Variants in PRELID2 observed in about 807,000 individuals in gnomAD.
PRELID2 encodes the protein PRELI domain-containing protein 2.
A neutral mutation model predicts 28.4 loss-of-function variants in PRELID2; 25 were observed. The ratio of observed to expected loss-of-function variants is 0.88; its 90% CI spans 0.64 to 1.23. The LOEUF is 1.23. PRELID2 is among the 50% of genes most tolerant of loss of function. The pLI is 0.00. For synonymous variants in PRELID2, 76 were observed against 71.6 expected (o/e 1.06, Z -0.31); for missense variants, 201 against 214.4 (o/e 0.94, Z 0.39).
chr5:145,519,396 A>G (rs948226325), intron 1 of PRELID2, among the ~76,000 whole-genome samples: 5 of 152,210 alleles, frequency 3.3e-5, no homozygotes, highest in African/African-American at 1.2e-4. Context: ...ATTGCTTAAA[A>G]TGGAAATCTG....
At chr5:145,395,283 C>T in the PRELID2 span, among the ~76,000 whole-genome samples, 1 of 152,090 alleles carries the variant, frequency 6.6e-6, no homozygotes, top group East Asian at 1.9e-4. Context: ...AAAAAGGCAT[C>T]CATGAAAACG....
At chr5:145,393,977 T>C in the PRELID2 span, among the ~76,000 whole-genome samples, 1 of 152,182 alleles carries the variant, frequency 6.6e-6, no homozygotes, top group East Asian at 1.9e-4. Flanking sequence ...TTTTACACTG[T>C]TGGTGGGACT....
downstream of PRELID2, among the ~76,000 whole-genome samples, chr5:145,751,347 C>G (rs1413254043): frequency 6.6e-6 from 1 of 152,174 alleles, no homozygotes; most frequent in Non-Finnish European, 1.5e-5. Flanking sequence ...TTGGGGGTGG[C>G]CTCAATCACG....
intron 1 of PRELID2, among the ~76,000 whole-genome samples, chr5:145,646,654 C>T (rs1754201443): frequency 1.3e-5 from 2 of 152,198 alleles, no homozygotes; most frequent in Admixed American, 6.5e-5. Flanking sequence ...GCACTAGTTT[C>T]TCCCCATCTT....
chr5:145,525,949 T>C (rs976670625), intron 1 of PRELID2, among the ~76,000 whole-genome samples: 2 of 152,182 alleles, frequency 1.3e-5, no homozygotes, highest in Non-Finnish European at 2.9e-5. Flanking sequence ...TCTACTTCTT[T>C]CATTCATGTA....
the PRELID2 span, among the ~76,000 whole-genome samples, chr5:145,349,454 G>A: frequency 2.6e-5 from 4 of 151,904 alleles, no homozygotes; most frequent in Non-Finnish European, 5.9e-5. Context: ...TCCTAGTGGA[G>A]GTACACAGAG....
intron 1 of PRELID2, among the ~76,000 whole-genome samples, chr5:145,588,030 A>T (rs2149629035): frequency 6.6e-6 from 1 of 152,290 alleles, no homozygotes; most frequent in East Asian, 1.9e-4. Flanking sequence ...AAGAAGCCTC[A>T]TGCTGCCAGA....
intron 4 of PRELID2, among the ~76,000 whole-genome samples, chr5:145,799,456 A>C (rs1475174262): frequency 6.6e-6 from 1 of 152,036 alleles, no homozygotes; most frequent in African/African-American, 2.4e-5. Flanking sequence ...GCCCACAGAG[A>C]AGGAGATGGT....
the PRELID2 span, among the ~76,000 whole-genome samples, chr5:145,414,779 C>A: frequency 9.2e-5 from 14 of 152,282 alleles, no homozygotes; most frequent in East Asian, 1.7e-3. Flanking sequence ...TTTACTTGGG[C>A]ATCTCAGCAC....
At chr5:145,786,828 A>G (rs573741648) in intron 5 of PRELID2, among the ~76,000 whole-genome samples, 2 of 152,304 alleles carry the variant, frequency 1.3e-5, no homozygotes, top group African/African-American at 4.8e-5. Flanking sequence ...ATTATCTCCC[A>G]CTACTAAAAT....
chr5:145,393,950 T>G, the PRELID2 span, among the ~76,000 whole-genome samples: 5 of 152,188 alleles, frequency 3.3e-5, no homozygotes, highest in Non-Finnish European at 7.3e-5. Flanking sequence ...CTAAAATACT[T>G]AAGACAGTCA....
chr5:145,640,287 C>CCATCCTGGCTAA (rs769219356), intron 1 of PRELID2, among the ~76,000 whole-genome samples: 1 of 151,620 alleles, frequency 6.6e-6, no homozygotes, highest in African/African-American at 2.4e-5. Flanking sequence ...GAGATCGAGA[C>CCATCCTGGCTAA]CACGGTGAAA....
the PRELID2 span, among the ~76,000 whole-genome samples, chr5:145,326,103 G>A: frequency 6.6e-6 from 1 of 152,126 alleles, no homozygotes; most frequent in African/African-American, 2.4e-5. Context: ...CAATCTTTGA[G>A]CTCAAGCGAT....
At chr5:145,385,030 C>T in the PRELID2 span, among the ~76,000 whole-genome samples, 1 of 152,032 alleles carries the variant, frequency 6.6e-6, no homozygotes, top group Admixed American at 6.6e-5. Flanking sequence ...CTGGAAGGTA[C>T]AGTGTAAGAG....
chr5:145,675,959 G>A (rs918478230), intron 1 of PRELID2, among the ~76,000 whole-genome samples: 13 of 152,302 alleles, frequency 8.5e-5, no homozygotes, highest in South Asian at 4.1e-4. Context: ...AGTGGCTCAC[G>A]CCTGTAATCC....
At chr5:145,795,093 T>A (rs1752649133) in intron 5 of PRELID2, 1 of 152,140 alleles carries the variant, frequency 6.6e-6, no homozygotes, top group Non-Finnish European at 1.5e-5. Context: ...ATTCAATTTA[T>A]TATTACTATT....
chr5:145,330,545 T>C, the PRELID2 span, among the ~76,000 whole-genome samples: 1 of 152,214 alleles, frequency 6.6e-6, no homozygotes, highest in Non-Finnish European at 1.5e-5. Flanking sequence ...TTCAAGATTT[T>C]CTAGTTTATT....
the PRELID2 span, among the ~76,000 whole-genome samples, chr5:145,233,663 A>C: frequency 1.3e-5 from 2 of 152,166 alleles, no homozygotes; most frequent in East Asian, 3.9e-4. Context: ...CAGTTATGGA[A>C]AGGAGAAAGT....
At chr5:145,627,287 C>T (rs1039491859) in intron 1 of PRELID2, among the ~76,000 whole-genome samples, 1 of 151,868 alleles carries the variant, frequency 6.6e-6, no homozygotes, top group Admixed American at 6.6e-5. Flanking sequence ...CACATGTTCT[C>T]ACTTACAAAT....
Sources: gnomAD v4.1 joint callset for allele counts (sites outside exome capture counted in the v4.1 genomes callset) on GRCh38, gnomAD v4.1.1 for gene constraint, MANE v1.5 for transcripts, NCBI Gene and HGNC (gene_info 2026-07-23, HGNC 2026-07-21) for gene names.